APLF: variants seen among roughly 807,000 people sequenced by gnomAD.
APLF encodes aprataxin and PNKP like factor, also known as aprataxin and PNK-like factor.
A neutral mutation model predicts 55.6 loss-of-function variants in APLF; 61 were observed. The observed-to-expected ratio is 1.10, with a 90% CI of 0.89 to 1.36. The LOEUF (loss-of-function observed/expected upper bound fraction) is 1.36, where lower values mean the gene tolerates loss of function less well. Among genes scored for constraint, APLF ranks in the 40% most tolerant of loss-of-function variants. The pLI is 0.00. For missense variants in APLF, 611 were observed against 602.5 expected (o/e 1.01, Z -0.15); for synonymous variants, 207 against 214.8 (o/e 0.96, Z 0.32).
intron 8 of APLF, among the ~76,000 whole-genome samples, chr2:68,552,069 T>C (rs971307328): frequency 6.6e-6 from 1 of 152,176 alleles, no homozygotes; most frequent in East Asian, 1.9e-4. Context: ...TATAAAACTT[T>C]CCTTTGGCGA....
Position 68,516,450 on chromosome 2 carries a change from T to C in APLF, c.622+2770T>C, listed in dbSNP as rs527453865. ...TCATCACTATTATATATATATTTTTTATTTCAACAGGTTTTTGTGAAACAG... is the reference window on the plus strand; with the variant it reads ...TCATCACTATTATATATATATTTTTCATTTCAACAGGTTTTTGTGAAACAG... On this transcript the variant is annotated intron_variant, in intron 5 of 9. Coordinates refer to ENST00000303795, the MANE Select transcript of APLF (RefSeq NM_173545.3). Among the ~76,000 whole-genome samples, 9 of 151,498 alleles carry C rather than the reference T, an allele frequency of 5.9e-5. No homozygotes were observed. The South Asian group carries it at 1.7e-3, about 28-fold the overall frequency.
At chr2:68,556,383 G>A (rs1671011614) in intron 8 of APLF, among the ~76,000 whole-genome samples, 1 of 152,142 alleles carries the variant, frequency 6.6e-6, no homozygotes, top group East Asian at 1.9e-4. Context: ...AAGGTATCTT[G>A]CCTGTCAACT....
At chr2:68,471,640 T>C (rs1675619304) in intron 1 of APLF, among the ~76,000 whole-genome samples, 1 of 152,212 alleles carries the variant, frequency 6.6e-6, no homozygotes, top group Non-Finnish European at 1.5e-5. Context: ...AGGGTCTCTA[T>C]GCAATCCCTG....
At chr2:68,522,712 T>C (rs1482576962) in intron 5 of APLF, among the ~76,000 whole-genome samples, 2 of 151,746 alleles carry the variant, frequency 1.3e-5, no homozygotes, top group Non-Finnish European at 3.0e-5. Context: ...ATAAGAAAAA[T>C]ACGTTTAATT....
At chr2:68,516,962 AATAATATAAT>A (rs1378673799) in intron 5 of APLF, among the ~76,000 whole-genome samples, 1 of 125,590 alleles carries the variant, frequency 8.0e-6, no homozygotes, top group Non-Finnish European at 1.6e-5. Flanking sequence ...TATAATATAT[AATAATATAAT>A]ATAATATAAT....
chr2:68,531,668 A>G (rs1444489141), intron 6 of APLF, among the ~76,000 whole-genome samples: 1 of 152,238 alleles, frequency 6.6e-6, no homozygotes, highest in Non-Finnish European at 1.5e-5. Flanking sequence ...TTGAGCCCTT[A>G]TGTACTCTAT....
chr2:68,509,584 G>A (rs374653099), intron 3 of APLF, among the ~76,000 whole-genome samples: 3 of 151,914 alleles, frequency 2.0e-5, no homozygotes, highest in East Asian at 1.9e-4. Context: ...GCTGGAGAGG[G>A]TGTGGAGAAA....
At chr2:68,517,969 A>G (rs1415649909) in intron 5 of APLF, among the ~76,000 whole-genome samples, 1 of 140,078 alleles carries the variant, frequency 7.1e-6, no homozygotes, top group Non-Finnish European at 1.5e-5. Context: ...GTGTTAATAT[A>G]TAACAGTAAT....
chr2:68,480,127 T>G (rs1675907189), intron 1 of APLF, among the ~76,000 whole-genome samples: 2 of 152,084 alleles, frequency 1.3e-5, no homozygotes, highest in African/African-American at 4.8e-5. Flanking sequence ...GGAGTCAAGG[T>G]TGGTTCCCCT....
At chr2:68,468,178 G>T (rs1476637380) in intron 1 of APLF, among the ~76,000 whole-genome samples, 4 of 152,148 alleles carry the variant, frequency 2.6e-5, no homozygotes, top group Non-Finnish European at 5.9e-5. Flanking sequence ...TTTTCAGGGG[G>T]AATAGTTGCT....
At chr2:68,468,400 T>C (rs1213223617) in intron 1 of APLF, among the ~76,000 whole-genome samples, 2 of 152,224 alleles carry the variant, frequency 1.3e-5, no homozygotes, top group Non-Finnish European at 2.9e-5. Flanking sequence ...CCTTCATAAG[T>C]AATGTGTATA....
At chr2:68,511,422 G>GT (rs1677046983) in intron 3 of APLF, among the ~76,000 whole-genome samples, 1 of 151,580 alleles carries the variant, frequency 6.6e-6, no homozygotes, top group Non-Finnish European at 1.5e-5. Context: ...TGAATAAAAT[G>GT]TTAAATAGAA....
At chr2:68,539,594 A>C (rs185142591) in intron 7 of APLF, among the ~76,000 whole-genome samples, 1 of 152,330 alleles carries the variant, frequency 6.6e-6, no homozygotes, top group Admixed American at 6.5e-5. Context: ...GCTTCAACAT[A>C]TGAATTTTGG....
intron 1 of APLF, among the ~76,000 whole-genome samples, chr2:68,468,993 T>TGTGC (rs1276253606): frequency 7.5e-6 from 1 of 133,504 alleles, no homozygotes; most frequent in Non-Finnish European, 1.6e-5. Flanking sequence ...TAAAGGGGTG[T>TGTGC]GTGTGTGTGT....
At chr2:68,474,731 C>A (rs964052726) in intron 1 of APLF, among the ~76,000 whole-genome samples, 2 of 152,064 alleles carry the variant, frequency 1.3e-5, no homozygotes, top group African/African-American at 4.8e-5. Flanking sequence ...TTCAATGGTG[C>A]GATCTTGGCT....
chr2:68,568,722 A>T (rs1671375829), intron 9 of APLF, among the ~76,000 whole-genome samples: 2 of 152,180 alleles, frequency 1.3e-5, no homozygotes, highest in South Asian at 4.1e-4. Context: ...ATAGTTAAAA[A>T]TATCTGAATT....
chr2:68,499,811 C>T (rs1408923509), intron 2 of APLF, among the ~76,000 whole-genome samples: 1 of 152,058 alleles, frequency 6.6e-6, no homozygotes, highest in Non-Finnish European at 1.5e-5. Flanking sequence ...GCACTCCAGC[C>T]TGGGTAACAG....
At chr2:68,567,510 T>C in intron 9 of APLF, 123 bp downstream of exon 9, 1 of 736,634 alleles carries the variant, frequency 1.4e-6, no homozygotes, top group Non-Finnish European at 2.2e-6. Flanking sequence ...GTTGAATTGC[T>C]GATTTTAATG....
At chr2:68,480,708 A>C (rs1380618268) in intron 1 of APLF, among the ~76,000 whole-genome samples, 1 of 152,106 alleles carries the variant, frequency 6.6e-6, no homozygotes, top group East Asian at 1.9e-4. Flanking sequence ...TTAGAAGAAA[A>C]GGTTTCATCT....
Sources: gnomAD v4.1 joint callset for allele counts (sites outside exome capture counted in the v4.1 genomes callset) on GRCh38, gnomAD v4.1.1 for gene constraint, MANE v1.5 for transcripts, NCBI Gene and HGNC (gene_info 2026-07-23, HGNC 2026-07-21) for gene names.